The following MACROD1 variants were observed in gnomAD, a reference collection of about 807,000 sequenced individuals.
MACROD1 encodes the protein ADP-ribose glycohydrolase MACROD1.
Under a neutral mutation model 41.4 loss-of-function variants are expected in MACROD1, and 31 were observed. The observed-to-expected ratio is 0.75, with a 90% CI of 0.56 to 1.01. MACROD1 has a LOEUF of 1.01. Among genes scored for constraint, MACROD1 ranks in the 50% least tolerant of loss-of-function variants. The probability of loss-of-function intolerance (pLI) is 0.00; values close to 1 mark genes in which losing one functional copy is unlikely to be tolerated. For missense variants in MACROD1, 473 were observed against 460.0 expected (o/e 1.03, Z -0.26); for synonymous variants, 252 against 203.4 (o/e 1.24, Z -2.03).
chr11:64,099,939 G>A (rs1944642693), intron 3 of MACROD1, among the ~76,000 whole-genome samples: 1 of 152,294 alleles, frequency 6.6e-6, no homozygotes, highest in African/African-American at 2.4e-5. Context: ...GTGCACAAGA[G>A]AGCCTCAGGA....
At chr11:64,117,614 C>T (rs1945014232) in intron 3 of MACROD1, 1 of 1,613,790 alleles carries the variant, frequency 6.2e-7, no homozygotes, top group Non-Finnish European at 8.5e-7. Flanking sequence ...TGACGGCAGA[C>T]TCCATCCGCA....
rs1300073463 is a variant in MACROD1, at chr11:64,065,526, ATG to A, written c.518-50247_518-50246del. 4.6e-5 allele frequency among the ~76,000 whole-genome samples: 7 copies of A among 152,294 alleles called. No homozygotes were observed. The South Asian group carries it at 1.0e-3, about 23-fold the overall frequency. ...AACAAGGGGCCAGGCGCGGTGGCTC[ATG>A]CCTGTAATCCCAGCACTTTGGGAGG... On this transcript the variant is annotated intron_variant, in intron 3 of 10. Coordinates refer to ENST00000255681, the MANE Select transcript of MACROD1 (RefSeq NM_014067.4).
intron 4 of MACROD1, chr11:64,001,561 C>G: frequency 7.1e-6 from 5 of 702,404 alleles, no homozygotes; most frequent in Non-Finnish European, 1.3e-5. Context: ...ATCTCGTGCC[C>G]TGGGGGCACA....
At chr11:64,148,238 G>C (rs1309165334) in intron 3 of MACROD1, among the ~76,000 whole-genome samples, 1 of 152,180 alleles carries the variant, frequency 6.6e-6, no homozygotes, top group Non-Finnish European at 1.5e-5. Context: ...GGATGGAGGA[G>C]GGTGGGGGGT....
At chr11:64,109,417 C>G (rs1475075119) in intron 3 of MACROD1, among the ~76,000 whole-genome samples, 1 of 152,248 alleles carries the variant, frequency 6.6e-6, no homozygotes, top group Non-Finnish European at 1.5e-5. Context: ...AGGCTGCCGG[C>G]CTCTCCCCAC....
intron 1 of MACROD1, among the ~76,000 whole-genome samples, chr11:64,163,352 C>A (rs1210269404): frequency 1.3e-5 from 2 of 152,118 alleles, no homozygotes; most frequent in African/African-American, 4.8e-5. Context: ...CTTTGAGATT[C>A]TTTCTTTCAA....
chr11:64,087,439 G>A (rs1393349899), intron 3 of MACROD1, among the ~76,000 whole-genome samples: 1 of 152,210 alleles, frequency 6.6e-6, no homozygotes, highest in Non-Finnish European at 1.5e-5. Context: ...TGCCTCCCAA[G>A]AAAGCCAGGT....
chr11:64,111,756 C>T (rs1483643613), intron 3 of MACROD1, among the ~76,000 whole-genome samples: 2 of 152,238 alleles, frequency 1.3e-5, no homozygotes, highest in African/African-American at 4.8e-5. Flanking sequence ...GTCCTGGCTT[C>T]AAGCCCGTCC....
intron 3 of MACROD1, among the ~76,000 whole-genome samples, chr11:64,143,868 AC>A (rs1408141276): frequency 6.7e-6 from 1 of 150,110 alleles, no homozygotes; most frequent in Non-Finnish European, 1.5e-5. Context: ...TAGCTGTGTG[AC>A]CTTTAGCAAG....
At chr11:64,051,664 G>A (rs529056500) in intron 3 of MACROD1, among the ~76,000 whole-genome samples, 2 of 152,294 alleles carry the variant, frequency 1.3e-5, no homozygotes, top group South Asian at 2.1e-4. Context: ...AGCCCTCTCC[G>A]AGCTCACGGC....
chr11:64,079,967 T>C (rs1944274694), intron 3 of MACROD1, among the ~76,000 whole-genome samples: 2 of 152,182 alleles, frequency 1.3e-5, no homozygotes, highest in South Asian at 4.1e-4. Flanking sequence ...CTCAGCTGTG[T>C]TATTCACTTG....
intron 3 of MACROD1, among the ~76,000 whole-genome samples, chr11:64,137,035 G>C (rs1456041519): frequency 6.6e-6 from 1 of 152,228 alleles, no homozygotes; most frequent in Non-Finnish European, 1.5e-5. Context: ...CGAATCTCCA[G>C]GCCGCTTTTC....
chr11:64,010,875 T>C (rs557057546), intron 4 of MACROD1, among the ~76,000 whole-genome samples: 3 of 126,180 alleles, frequency 2.4e-5, no homozygotes, highest in Admixed American at 1.6e-4. Flanking sequence ...TGTTTGCTGG[T>C]GTATTGTTTG....
intron 3 of MACROD1, among the ~76,000 whole-genome samples, chr11:64,121,733 C>A (rs1565246259): frequency 6.6e-6 from 1 of 152,228 alleles, no homozygotes; most frequent in South Asian, 2.1e-4. Context: ...GCACAGCTGA[C>A]ATTTCCAAGG....
At chr11:64,042,861 C>T (rs1041287791) in intron 3 of MACROD1, among the ~76,000 whole-genome samples, 5 of 152,204 alleles carry the variant, frequency 3.3e-5, no homozygotes, top group African/African-American at 1.2e-4. Context: ...TAGTGCCACA[C>T]CCCAGTTTCC....
chr11:64,065,182 G>A (rs1019242298), intron 3 of MACROD1, among the ~76,000 whole-genome samples: 2 of 152,202 alleles, frequency 1.3e-5, no homozygotes, highest in African/African-American at 4.8e-5. Context: ...GCAGGACAGA[G>A]TTTCAGGAAG....
chr11:64,082,062 T>C lies in MACROD1; in HGVS notation c.518-66781A>G, dbSNP rs1944313718. ...GAAAAGTGTGTGAGCTGCAGCGTCC[T>C]GGGCTGGGGCAGAGGGGCCGTGGCG... is the stretch of plus-strand genomic sequence containing the variant. On this transcript the variant is annotated intron_variant, in intron 3 of 10. Coordinates refer to ENST00000255681, the MANE Select transcript of MACROD1 (RefSeq NM_014067.4). The surrounding 1 kb of genome is among the most constrained non-coding windows in gnomAD (Gnocchi z 4.5). 6.6e-6 allele frequency: 1 copy of C among 152,176 alleles called. No homozygotes were observed. The highest frequency in any genetic ancestry group is 2.4e-5 in the African/African-American group (1 of 41,392). The allele number at this position is 152,176 out of a possible 1,614,324, so 9.4% of individuals were successfully genotyped here.
intron 3 of MACROD1, among the ~76,000 whole-genome samples, chr11:64,024,855 G>A (rs1357065184): frequency 1.3e-5 from 2 of 152,172 alleles, no homozygotes; most frequent in East Asian, 1.9e-4. Flanking sequence ...CGACTGCCCC[G>A]TAGGAAAAGT....
At chr11:64,060,078 T>C (rs1159237758) in intron 3 of MACROD1, among the ~76,000 whole-genome samples, 1 of 152,214 alleles carries the variant, frequency 6.6e-6, no homozygotes, top group Non-Finnish European at 1.5e-5. Context: ...ACAGACCAAT[T>C]AAGCTGCCAA....
Sources: gnomAD v4.1 joint callset for allele counts (sites outside exome capture counted in the v4.1 genomes callset) on GRCh38, gnomAD v4.1.1 for gene constraint, Gnocchi (gnomAD v3.1) non-coding constraint, MANE v1.5 for transcripts, NCBI Gene and HGNC (gene_info 2026-07-23, HGNC 2026-07-21) for gene names.